Variants in MAST4 observed in about 807,000 individuals in gnomAD.
The protein encoded by MAST4 is microtubule associated serine/threonine kinase family member 4, also known as microtubule-associated serine/threonine-protein kinase 4.
Under a neutral mutation model 162.7 loss-of-function variants are expected in MAST4, and 89 were observed. The observed-to-expected ratio is 0.55, with a 90% CI of 0.46 to 0.65. MAST4 has a LOEUF of 0.65. MAST4 is among the 30% of genes least tolerant of loss of function. MAST4 has a pLI of 0.00. For missense variants in MAST4, 3,153 were observed against 3,374.0 expected, an observed-to-expected ratio of 0.93 and a Z score of 1.62; for synonymous variants, 1,479 against 1,361.1, an observed-to-expected ratio of 1.09 and a Z score of -1.91.
intron 2 of MAST4, among the ~76,000 whole-genome samples, chr5:66,770,733 A>G (rs1754322310): frequency 6.6e-6 from 1 of 152,162 alleles, no homozygotes; most frequent in African/African-American, 2.4e-5. Context: ...TTTGATGTGT[A>G]CCTGAGCCCT....
At chr5:66,752,014 T>C (rs1426415050) in intron 1 of MAST4, among the ~76,000 whole-genome samples, 1 of 151,954 alleles carries the variant, frequency 6.6e-6, no homozygotes, top group Non-Finnish European at 1.5e-5. Flanking sequence ...AAAAGAATTT[T>C]CAACCCAGAA....
intron 4 of MAST4, among the ~76,000 whole-genome samples, chr5:66,988,884 G>A (rs989203794): frequency 6.6e-6 from 1 of 152,120 alleles, no homozygotes; most frequent in Non-Finnish European, 1.5e-5. Context: ...ACATTTTAAC[G>A]TTTCTAGAAT....
chr5:67,122,088 C>T (rs898296215), intron 14 of MAST4, among the ~76,000 whole-genome samples: 2 of 152,160 alleles, frequency 1.3e-5, no homozygotes, highest in Non-Finnish European at 2.9e-5. Flanking sequence ...CAAGATTCTT[C>T]TGAGTTACTA....
intron 3 of MAST4, among the ~76,000 whole-genome samples, chr5:66,874,834 C>G (rs546852333): frequency 6.6e-6 from 1 of 152,176 alleles, no homozygotes; most frequent in Non-Finnish European, 1.5e-5. Flanking sequence ...TTTCTCACTA[C>G]TATAAACCTT....
intron 1 of MAST4, among the ~76,000 whole-genome samples, chr5:66,708,204 C>T (rs542476800): frequency 3.3e-5 from 5 of 152,022 alleles, no homozygotes; most frequent in East Asian, 1.9e-4. Context: ...GGAAAGAGTG[C>T]GGGACTTGGA....
chr5:66,908,556 C>T (rs933524913), intron 4 of MAST4, among the ~76,000 whole-genome samples: 7 of 151,986 alleles, frequency 4.6e-5, no homozygotes, highest in African/African-American at 1.7e-4. Flanking sequence ...GTGAAGTGTG[C>T]TTTTGGATAG....
chr5:66,758,403 CTATT>C (rs950227092), intron 1 of MAST4, among the ~76,000 whole-genome samples: 20 of 151,330 alleles, frequency 1.3e-4, no homozygotes, highest in Middle Eastern at 3.4e-3. Context: ...ATAAATATTT[CTATT>C]TATTTAATTA....
chr5:67,114,064 CATCT>C lies in MAST4; in HGVS notation c.1459-22_1459-19del. On this transcript the variant is annotated intron_variant, in intron 11 of 28. Transcript: ENST00000403625. ...GACAATTTTGGCTCAAAGAAGTATC[CATCT>C]GTGATTGTCTTCGGCTAGGAATTTG... is the stretch of plus-strand genomic sequence containing the variant. 1 of 1,612,816 alleles carries C rather than the reference CATCT, an allele frequency of 6.2e-7. No individual in the cohort carries two copies. The highest frequency in any genetic ancestry group is 8.5e-7 in the Non-Finnish European group (1 of 1,179,494).
intron 4 of MAST4, among the ~76,000 whole-genome samples, chr5:67,045,491 G>A (rs143223095): frequency 3.0e-3 from 459 of 152,316 alleles, no homozygotes; most frequent in Non-Finnish European, 4.0e-3. Flanking sequence ...TGTTAAAAAT[G>A]TACACTTATA....
In MAST4 at chr5:67,168,301, A is replaced by G. The variant is rs147736789; in HGVS notation, c.*1250A>G. 4 of 152,124 alleles carry G rather than the reference A, an allele frequency of 2.6e-5. No individual in the cohort carries two copies. In the East Asian group the frequency reaches 5.8e-4, roughly 22 times the overall value. The allele number at this position is 152,124 out of a possible 1,614,324, so 9.4% of individuals were successfully genotyped here. On this transcript the variant is annotated 3_prime_UTR_variant, in exon 29 of 29. Transcript: ENST00000403625. ...TCTGCTGCATCTAGTAGCTCCACACATTTCATAACCTGATCTCTTTATTTG... is the reference window on the plus strand; with the variant it reads ...TCTGCTGCATCTAGTAGCTCCACACGTTTCATAACCTGATCTCTTTATTTG...
chr5:66,720,147 T>C (rs1223615023), intron 1 of MAST4, among the ~76,000 whole-genome samples: 1 of 145,578 alleles, frequency 6.9e-6, no homozygotes, highest in Non-Finnish European at 1.5e-5. Context: ...AATATGAGTT[T>C]ATTAAAATTT....
chr5:67,123,948 A>G (rs1236684397), intron 14 of MAST4, among the ~76,000 whole-genome samples: 1 of 152,148 alleles, frequency 6.6e-6, no homozygotes, highest in East Asian at 1.9e-4. Context: ...CCTCTGGCAC[A>G]CACACACCCT....
chr5:67,126,562 G>T (rs185183089), intron 14 of MAST4, among the ~76,000 whole-genome samples: 308 of 152,224 alleles, frequency 2.0e-3, no homozygotes, highest in Non-Finnish European at 3.2e-3. Context: ...GTAGATATAT[G>T]GCATTATTTC....
At chr5:66,675,386 A>T (rs1747878425) in intron 1 of MAST4, among the ~76,000 whole-genome samples, 9 of 152,154 alleles carry the variant, frequency 5.9e-5, no homozygotes, top group Admixed American at 5.9e-4. Flanking sequence ...TTGCCACTGG[A>T]AACCAGTGTG....
At chr5:66,949,438 C>T (rs1473709660) in intron 4 of MAST4, among the ~76,000 whole-genome samples, 1 of 152,158 alleles carries the variant, frequency 6.6e-6, no homozygotes, top group African/African-American at 2.4e-5. Flanking sequence ...GGGCTTCCGC[C>T]TTCACTCGGC....
intron 12 of MAST4, 75 bp from the exon 13 acceptor site, chr5:67,118,602 TTTTTC>T (rs1326639281): frequency 9.2e-6 from 8 of 865,474 alleles, no homozygotes; most frequent in Non-Finnish European, 1.3e-5. Flanking sequence ...GGAGAAACTA[TTTTTC>T]TTTTGTTTCA....
chr5:67,082,147 C>CTTTTTTTT (rs60811351), intron 5 of MAST4, among the ~76,000 whole-genome samples: 1 of 125,790 alleles, frequency 7.9e-6, no homozygotes, highest in African/African-American at 3.1e-5. Flanking sequence ...TACCTGTAAT[C>CTTTTTTTT]TTTTTTTTTT....
intron 12 of MAST4, among the ~76,000 whole-genome samples, chr5:67,116,959 C>T (rs1029805300): frequency 3.9e-5 from 6 of 152,154 alleles, no homozygotes; most frequent in African/African-American, 9.7e-5. Flanking sequence ...CAGGTTGTCA[C>T]CCTAAGCCAG....
chr5:67,039,767 C>A (rs911416721), intron 4 of MAST4, among the ~76,000 whole-genome samples: 32 of 152,140 alleles, frequency 2.1e-4, no homozygotes, highest in South Asian at 6.2e-4. Context: ...TTTCTACACA[C>A]AGATCCCTCT....
Sources: allele counts gnomAD v4.1 joint callset (sites outside exome capture counted in the v4.1 genomes callset), GRCh38; gene constraint gnomAD v4.1.1; transcripts MANE v1.5; gene names NCBI Gene and HGNC (gene_info 2026-07-23, HGNC 2026-07-21).